BIK: variants seen among roughly 807,000 people sequenced by gnomAD.
BIK encodes the protein BCL2 interacting killer, also known as bcl-2-interacting killer.
BIK carries 14 observed loss-of-function variants against 12.1 expected under a neutral mutation model. The ratio of observed to expected loss-of-function variants is 1.16; its 90% CI spans 0.77 to 1.81. The LOEUF (loss-of-function observed/expected upper bound fraction) is 1.81, where lower values mean the gene tolerates loss of function less well. Ranked by LOEUF, BIK falls within the 40% of genes most tolerant of loss-of-function variation. The pLI is 0.00. For missense variants in BIK, 215 were observed against 207.9 expected, an observed-to-expected ratio of 1.03 and a Z score of -0.21; for synonymous variants, 86 against 92.3, an observed-to-expected ratio of 0.93 and a Z score of 0.39.
intron 1 of BIK, among the ~76,000 whole-genome samples, chr22:43,114,106 G>T (rs1386491280): frequency 6.6e-6 from 1 of 152,170 alleles, no homozygotes; most frequent in African/African-American, 2.4e-5. Flanking sequence ...TTTTCCTAGT[G>T]TCAATATTAG....
rs550690317 is a variant in BIK at position 43,115,385 on chromosome 22, C to T, written c.-8+4582C>T. 2.3e-4 allele frequency among the ~76,000 whole-genome samples: 35 copies of T among 152,230 alleles called. 1 individual carries two copies. The highest frequency in any genetic ancestry group is 7.0e-4 in the African/African-American group (29 of 41,534). ...AAACACTGAAGTGGAGCCCAGGGGCCGTACCTGCCTCTCAAGCCTCAGGGT... is the reference window on the plus strand; with the variant it reads ...AAACACTGAAGTGGAGCCCAGGGGCTGTACCTGCCTCTCAAGCCTCAGGGT... On this transcript the variant is annotated intron_variant, in intron 1 of 4. Transcript: ENST00000216115.
At chr22:43,116,613 C>A (rs182388520) in intron 1 of BIK, among the ~76,000 whole-genome samples, 365 of 152,256 alleles carry the variant, frequency 2.4e-3, no homozygotes, top group African/African-American at 8.5e-3. Context: ...CGCCCACCCC[C>A]ACGCCCGGCT....
intron 1 of BIK, among the ~76,000 whole-genome samples, chr22:43,115,757 C>G (rs978287959): frequency 6.6e-6 from 1 of 152,038 alleles, no homozygotes; most frequent in African/African-American, 2.4e-5. Flanking sequence ...GCCACCGCGT[C>G]TGGCCTATTT....
At chr22:43,128,359 A>C in intron 3 of BIK, 137 bp from the exon 4 acceptor site, 6 of 1,096,498 alleles carry the variant, frequency 5.5e-6, no homozygotes, top group Non-Finnish European at 5.3e-6. Flanking sequence ...GCGCCCACGG[A>C]AAGGGCCCCG....
At chr22:43,124,225 C>T (rs1304424976) in intron 2 of BIK, 42 bp downstream of exon 2, 1 of 1,601,366 alleles carries the variant, frequency 6.2e-7, no homozygotes, top group South Asian at 1.1e-5. Flanking sequence ...CTGATAGTGA[C>T]TTCAGGGGTG....
intron 1 of BIK, among the ~76,000 whole-genome samples, chr22:43,121,318 T>C (rs4988402): frequency 0.011 from 1,738 of 151,726 alleles, 37 homozygotes; most frequent in African/African-American, 0.04. Flanking sequence ...GATGGGGAGG[T>C]TGGCAGGGTG....
At position 43,127,815 on chromosome 22, in the gene BIK, T is replaced by C. The variant is rs375930971; in HGVS notation, c.260+20T>C. 160 of 1,542,802 alleles carry C rather than the reference T, an allele frequency of 1.0e-4. No individual in the cohort carries two copies. The African/African-American group carries it at 1.7e-3, about 16-fold the overall frequency. On this transcript the variant is annotated intron_variant, in intron 3 of 4. Transcript: ENST00000216115. ...GCACAGGTAGCCGGCCTATGCCCTATGCCTCTACACCTGGGGAGGGGCCCT... is the reference window on the plus strand; with the variant it reads ...GCACAGGTAGCCGGCCTATGCCCTACGCCTCTACACCTGGGGAGGGGCCCT...
intron 1 of BIK, among the ~76,000 whole-genome samples, chr22:43,113,845 T>C (rs1165880567): frequency 6.6e-6 from 1 of 152,226 alleles, no homozygotes; most frequent in Admixed American, 6.5e-5. Flanking sequence ...CTACCGTCTG[T>C]GCTCAGAACA....
Position 43,129,593 on chromosome 22 carries a change from G to A in BIK, c.*288G>A, listed in dbSNP as rs1026620746. On this transcript the variant is annotated 3_prime_UTR_variant, in exon 5 of 5. Transcript: ENST00000216115. ...CATTCACTCCTGCCCCTGCCCACAC[G>A]GCAGGTAGCAGGGGGAGTGCTGGTC... 32 of 497,280 alleles carry A rather than the reference G, an allele frequency of 6.4e-5. No homozygotes were observed. The highest frequency in any genetic ancestry group is 1.9e-4 in the East Asian group (5 of 26,600). The allele number at this position is 497,280 out of a possible 1,614,324, so 30.8% of individuals were successfully genotyped here. A position where few individuals can be genotyped will look rare whatever the true frequency, so the allele number is the denominator to read the frequency against.
chr22:43,127,496 G>A (rs954826152), intron 2 of BIK, among the ~76,000 whole-genome samples: 1 of 152,178 alleles, frequency 6.6e-6, no homozygotes, highest in Non-Finnish European at 1.5e-5. Flanking sequence ...CCACGGATGG[G>A]ACCTCATGGG....
chr22:43,126,961 C>T (rs368867723), intron 2 of BIK, among the ~76,000 whole-genome samples: 1 of 152,120 alleles, frequency 6.6e-6, no homozygotes, highest in Non-Finnish European at 1.5e-5. Flanking sequence ...GGCCCAGGGC[C>T]GGCCTCAGCT....
chr22:43,124,100 C>T lies in BIK; in HGVS notation c.78C>T (p.Thr26=). Residue 26 remains threonine, a synonymous_variant, in exon 2 of 5, where the codon ACC becomes ACT. Coordinates refer to ENST00000216115, the MANE Select transcript of BIK (RefSeq NM_001197.5). ...LLYEQLLEPP[T]MEVLGMTDSE... ...ATGAGCAGCTCCTGGAACCCCCGACCATGGAGGTTCTTGGCATGACTGACT... is the reference window on the plus strand; with the variant it reads ...ATGAGCAGCTCCTGGAACCCCCGACTATGGAGGTTCTTGGCATGACTGACT... The T allele has an allele frequency of 1.2e-6, 2 of 1,614,128 alleles. No individual in the cohort carries two copies. Among genetic ancestry groups the T allele is most frequent in the Non-Finnish European group, 1.7e-6 (2 of 1,180,000 alleles).
At chr22:43,112,027 TCA>T (rs1404812614) in intron 1 of BIK, among the ~76,000 whole-genome samples, 1 of 152,114 alleles carries the variant, frequency 6.6e-6, no homozygotes, top group Non-Finnish European at 1.5e-5. Context: ...TCTCTGAACC[TCA>T]GTTTGTTCTG....
intron 1 of BIK, among the ~76,000 whole-genome samples, chr22:43,112,546 C>T (rs948942291): frequency 1.3e-5 from 2 of 151,454 alleles, no homozygotes; most frequent in African/African-American, 4.8e-5. Flanking sequence ...GCTGGGATTA[C>T]AGACGTGAGC....
intron 1 of BIK, among the ~76,000 whole-genome samples, 195 bp from the exon 2 acceptor site, chr22:43,123,821 G>A (rs1238377418): frequency 6.6e-6 from 1 of 152,130 alleles, no homozygotes; most frequent in African/African-American, 2.4e-5. Flanking sequence ...GATGCTAGGC[G>A]ACTTGCCCAG....
chr22:43,111,204 C>T (rs1930003665), intron 1 of BIK, among the ~76,000 whole-genome samples: 1 of 152,126 alleles, frequency 6.6e-6, no homozygotes, highest in Non-Finnish European at 1.5e-5. Flanking sequence ...GCGGCAACGC[C>T]AGCCCACGGC....
chr22:43,126,230 G>T (rs1429440541), intron 2 of BIK, among the ~76,000 whole-genome samples: 2 of 149,092 alleles, frequency 1.3e-5, no homozygotes, highest in Admixed American at 6.7e-5. Flanking sequence ...GTGTCGCCCA[G>T]GCTGGAGTAC....
chr22:43,111,768 G>C (rs556051909), intron 1 of BIK, among the ~76,000 whole-genome samples: 2 of 152,186 alleles, frequency 1.3e-5, no homozygotes, highest in Non-Finnish European at 2.9e-5. Flanking sequence ...GGGAGCATTG[G>C]TGTCAGCCTC....
At chr22:43,111,575 G>A (rs1357108865) in intron 1 of BIK, among the ~76,000 whole-genome samples, 3 of 152,198 alleles carry the variant, frequency 2.0e-5, no homozygotes, top group Non-Finnish European at 2.9e-5. Context: ...GCTGGTCGTC[G>A]TCTGGGCTCT....
Sources: gnomAD v4.1 joint callset for allele counts (sites outside exome capture counted in the v4.1 genomes callset) on GRCh38, gnomAD v4.1.1 for gene constraint, MANE v1.5 for transcripts, NCBI Gene and HGNC (gene_info 2026-07-23, HGNC 2026-07-21) for gene names.